EIF2AK4: variants seen among roughly 807,000 people sequenced by gnomAD.
EIF2AK4 encodes the protein eukaryotic translation initiation factor 2 alpha kinase 4, also known as eIF-2-alpha kinase GCN2.
A neutral mutation model predicts 211.1 loss-of-function variants in EIF2AK4; 139 were observed. The observed-to-expected ratio is 0.66, with a 90% confidence interval of 0.57 to 0.76. EIF2AK4 has a LOEUF of 0.76. Ranked by LOEUF, EIF2AK4 falls within the 30% of genes least tolerant of loss-of-function variation. EIF2AK4 has a pLI of 0.00. For missense variants in EIF2AK4, 1,664 were observed against 2,043.8 expected (o/e 0.81, Z 3.58); for synonymous variants, 710 against 751.3 (o/e 0.94, Z 0.90).
chr15:40,033,181 A>G (rs542626577), intron 37 of EIF2AK4, among the ~76,000 whole-genome samples: 187 of 152,296 alleles, frequency 1.2e-3, no homozygotes, highest in Non-Finnish European at 2.2e-3. Flanking sequence ...AGAGTACGGA[A>G]GTAGAGAGGT....
intron 9 of EIF2AK4, 98 bp downstream of exon 9, chr15:39,967,977 G>A (rs1000636165): frequency 3.2e-6 from 4 of 1,248,414 alleles, no homozygotes; most frequent in African/African-American, 1.5e-5. Flanking sequence ...AAGCTGAGAA[G>A]TGAGGAACAG....
At chr15:39,970,612 A>G (rs1218621331) in intron 9 of EIF2AK4, among the ~76,000 whole-genome samples, 4 of 152,318 alleles carry the variant, frequency 2.6e-5, no homozygotes, top group Admixed American at 6.5e-5. Flanking sequence ...AATAATGTAT[A>G]TAAGATGATA....
chr15:40,024,403 C>CTTTTTTT (rs554877205), intron 32 of EIF2AK4, among the ~76,000 whole-genome samples: 15 of 90,762 alleles, frequency 1.7e-4, no homozygotes, highest in Non-Finnish European at 2.3e-4. Flanking sequence ...TTGAGTTTTC[C>CTTTTTTT]TTTTTTTTTT....
intron 9 of EIF2AK4, among the ~76,000 whole-genome samples, chr15:39,970,384 T>C (rs1198627282): frequency 1.3e-5 from 2 of 152,210 alleles, no homozygotes; most frequent in African/African-American, 2.4e-5. Context: ...TGAGTTACAG[T>C]TGATAACGCA....
At chr15:40,020,305 A>T (rs1186574290) in intron 30 of EIF2AK4, among the ~76,000 whole-genome samples, 2 of 151,304 alleles carry the variant, frequency 1.3e-5, no homozygotes, top group Non-Finnish European at 2.9e-5. Flanking sequence ...GGCTCAGGGT[A>T]GTTGAAATAA....
chr15:39,957,845 G>A (rs1445930674), intron 6 of EIF2AK4, among the ~76,000 whole-genome samples: 1 of 152,116 alleles, frequency 6.6e-6, no homozygotes, highest in Admixed American at 6.6e-5. Context: ...CTCTTGATCT[G>A]TGGGGTATGT....
chr15:39,989,290 A>G (rs1053109056), intron 15 of EIF2AK4, among the ~76,000 whole-genome samples: 6 of 152,216 alleles, frequency 3.9e-5, no homozygotes, highest in Non-Finnish European at 8.8e-5. Flanking sequence ...ATATAAATTC[A>G]TTATTTTTTT....
rs77034796 is a variant in EIF2AK4 at position 39,998,929 on chromosome 15, C to G, written c.2922+145C>G. The G allele has an allele frequency of 4.2e-3, 2,765 of 664,120 alleles. 60 individuals are homozygous for G. The African/African-American group carries it at 0.047, about 11-fold the overall frequency. The allele number at this position is 664,120 out of a possible 1,614,324, so 41.1% of individuals were successfully genotyped here. On this transcript the variant is annotated intron_variant, in intron 20 of 38. Transcript: ENST00000263791. ...GGAAAAAATATGAAAAGATGAAGCA[C>G]TTAAAATGTCATTAGACTTGAACTA...
At chr15:39,957,178 C>T (rs13379817) in intron 6 of EIF2AK4, among the ~76,000 whole-genome samples, 2,611 of 152,262 alleles carry the variant, frequency 0.017, 84 homozygotes, top group African/African-American at 0.06. Context: ...ATAAATAAGT[C>T]TTTTCAGATA....
chr15:40,003,102 T>C, intron 22 of EIF2AK4, 91 bp from the exon 23 acceptor site: 1 of 1,539,842 alleles, frequency 6.5e-7, no homozygotes, highest in South Asian at 1.2e-5. Flanking sequence ...CCAGTAGCAA[T>C]TACTTAACTG....
intron 16 of EIF2AK4, chr15:39,991,930 A>G (rs2034949324): frequency 8.4e-6 from 3 of 359,212 alleles, no homozygotes; most frequent in Middle Eastern, 7.8e-4. Context: ...AAGTGTTTGC[A>G]TATTTCTGTC....
intron 7 of EIF2AK4, among the ~76,000 whole-genome samples, chr15:39,962,314 G>A (rs928664460): frequency 5.3e-5 from 8 of 152,140 alleles, no homozygotes; most frequent in African/African-American, 9.6e-5. Context: ...TTAACATAAC[G>A]ATCATTTTAA....
At chr15:40,017,388 G>T in intron 29 of EIF2AK4, 146 bp downstream of exon 29, 1 of 988,398 alleles carries the variant, frequency 1.0e-6, no homozygotes, top group Non-Finnish European at 1.4e-6. Context: ...TCTAGGAATA[G>T]AAATATAATG....
intron 14 of EIF2AK4, 69 bp from the exon 15 acceptor site, chr15:39,987,913 TA>T: frequency 6.5e-7 from 1 of 1,543,870 alleles, no homozygotes; most frequent in Non-Finnish European, 8.9e-7. Flanking sequence ...GAGGATTATG[TA>T]AATTGCAGTT....
chr15:39,994,447 A>G (rs1477965560), intron 18 of EIF2AK4, among the ~76,000 whole-genome samples: 1 of 152,078 alleles, frequency 6.6e-6, no homozygotes, highest in African/African-American at 2.4e-5. Context: ...ATCCCTACTA[A>G]ACATCAAAAA....
chr15:39,947,535 T>C (rs929132027), intron 3 of EIF2AK4, among the ~76,000 whole-genome samples: 12 of 152,268 alleles, frequency 7.9e-5, no homozygotes, highest in Admixed American at 7.2e-4. Flanking sequence ...ATTGTCTGTG[T>C]ACCATGTGTC....
intron 3 of EIF2AK4, among the ~76,000 whole-genome samples, chr15:39,944,658 C>T (rs575036343): frequency 2.3e-4 from 35 of 152,258 alleles, no homozygotes; most frequent in Non-Finnish European, 4.4e-4. Context: ...TGGTCTCAAT[C>T]TCCTGACCTC....
chr15:39,959,307 A>C (rs140820744), intron 6 of EIF2AK4, among the ~76,000 whole-genome samples: 89 of 152,348 alleles, frequency 5.8e-4, no homozygotes, highest in African/African-American at 2.0e-3. Flanking sequence ...TCCCAGGTAG[A>C]CAGTATAAGC....
chr15:40,026,937 C>T (rs2035472937), intron 33 of EIF2AK4, among the ~76,000 whole-genome samples: 1 of 152,150 alleles, frequency 6.6e-6, no homozygotes. Flanking sequence ...TTTATAACAG[C>T]AGTTCTCAAA....
Sources: gnomAD v4.1 joint callset for allele counts (sites outside exome capture counted in the v4.1 genomes callset) on GRCh38, gnomAD v4.1.1 for gene constraint, MANE v1.5 for transcripts, NCBI Gene and HGNC (gene_info 2026-07-23, HGNC 2026-07-21) for gene names.